The following PCGF6 variants were observed in gnomAD, a reference collection of about 807,000 sequenced individuals.
PCGF6 encodes the protein polycomb group ring finger 6.
Under a neutral mutation model 45.5 loss-of-function variants are expected in PCGF6, and 24 were observed. The observed-to-expected ratio is 0.53, with a 90% CI of 0.38 to 0.74. The LOEUF is 0.74. Among genes scored for constraint, PCGF6 ranks in the 30% least tolerant of loss-of-function variants. The probability of loss-of-function intolerance (pLI) is 0.00; values close to 1 mark genes in which losing one functional copy is unlikely to be tolerated. For synonymous variants in PCGF6, 152 were observed against 162.1 expected (o/e 0.94, Z 0.47); for missense variants, 356 against 443.2 (o/e 0.80, Z 1.77).
At chr10:103,344,374 T>C (rs2093291876) in intron 6 of PCGF6, among the ~76,000 whole-genome samples, 1 of 151,402 alleles carries the variant, frequency 6.6e-6, no homozygotes, top group South Asian at 2.1e-4. Context: ...CGATTTCAAG[T>C]GATTCTCCTG....
chr10:103,342,286 T>G (rs1388349028), intron 6 of PCGF6, among the ~76,000 whole-genome samples: 1 of 150,160 alleles, frequency 6.7e-6, no homozygotes, highest in East Asian at 1.9e-4. Context: ...CAGGCTGGAG[T>G]GCAACAGCAT....
At chr10:103,323,458 G>A (rs1027572318) in intron 8 of PCGF6, among the ~76,000 whole-genome samples, 7 of 151,968 alleles carry the variant, frequency 4.6e-5, no homozygotes, top group Non-Finnish European at 8.8e-5. Context: ...CACCACGCCC[G>A]GCTGATTTTA....
At chr10:103,325,454 C>T (rs1394624187) in intron 8 of PCGF6, among the ~76,000 whole-genome samples, 1 of 151,992 alleles carries the variant, frequency 6.6e-6, no homozygotes, top group African/African-American at 2.4e-5. Context: ...AGGGTTTCAC[C>T]ATGTTGGTCA....
At chr10:103,309,195 G>T (rs1440382892) in intron 9 of PCGF6, among the ~76,000 whole-genome samples, 2 of 148,620 alleles carry the variant, frequency 1.3e-5, no homozygotes, top group Admixed American at 6.7e-5. Context: ...ATGAGATTTG[G>T]TGGGGGGGGG....
chr10:103,345,929 A>T (rs1318387467), intron 5 of PCGF6, among the ~76,000 whole-genome samples: 1 of 151,832 alleles, frequency 6.6e-6, no homozygotes, highest in East Asian at 1.9e-4. Context: ...AAGGTGGCTC[A>T]TGCCAGTAAT....
At chr10:103,349,703 G>C (rs1022097080) in intron 1 of PCGF6, among the ~76,000 whole-genome samples, 1 of 149,612 alleles carries the variant, frequency 6.7e-6, no homozygotes. Flanking sequence ...CTGAACTCCT[G>C]ACCTCGTGTT....
intron 1 of PCGF6, among the ~76,000 whole-genome samples, chr10:103,350,267 C>CA (rs376674913): frequency 0.31 from 39,476 of 128,410 alleles, 6,264 homozygotes; most frequent in South Asian, 0.51. Flanking sequence ...CTCCTCGCTA[C>CA]AAAAAAAAAA....
At chr10:103,318,753 A>G (rs2093185552) in intron 8 of PCGF6, among the ~76,000 whole-genome samples, 1 of 152,022 alleles carries the variant, frequency 6.6e-6, no homozygotes, top group African/African-American at 2.4e-5. Context: ...GAAAAAAAAA[A>G]AGAAAAAAGA....
intron 7 of PCGF6, among the ~76,000 whole-genome samples, chr10:103,333,570 T>C (rs1287644140): frequency 6.6e-6 from 1 of 152,096 alleles, no homozygotes. Flanking sequence ...ATAATTGAAG[T>C]AACAAGTAGG....
chr10:103,317,605 C>A (rs527946108), intron 8 of PCGF6, among the ~76,000 whole-genome samples: 130 of 151,894 alleles, frequency 8.6e-4, no homozygotes, highest in African/African-American at 2.8e-3. Context: ...TACCGCTCCA[C>A]CCCAAGCCTG....
intron 8 of PCGF6, among the ~76,000 whole-genome samples, chr10:103,325,631 C>T (rs895856242): frequency 6.6e-6 from 1 of 152,088 alleles, no homozygotes; most frequent in Non-Finnish European, 1.5e-5. Context: ...TTTTTCTCTA[C>T]TACCAAAATG....
At chr10:103,335,085 T>C (rs567736547) in intron 6 of PCGF6, among the ~76,000 whole-genome samples, 7 of 152,042 alleles carry the variant, frequency 4.6e-5, no homozygotes, top group African/African-American at 1.7e-4. Flanking sequence ...AGAGATAGGG[T>C]CTTGCTCTAT....
chr10:103,338,870 A>G (rs2093268325), intron 6 of PCGF6, among the ~76,000 whole-genome samples: 1 of 152,148 alleles, frequency 6.6e-6, no homozygotes, highest in African/African-American at 2.4e-5. Context: ...CTCCGTCTCA[A>G]AAGAAAAAAA....
At chr10:103,317,643 A>C (rs1449215930) in intron 8 of PCGF6, among the ~76,000 whole-genome samples, 1 of 152,022 alleles carries the variant, frequency 6.6e-6, no homozygotes, top group Non-Finnish European at 1.5e-5. Context: ...TCATCTCAAA[A>C]TAAATAAATA....
chr10:103,345,272 A>G, intron 5 of PCGF6, 140 bp from the exon 6 acceptor site: 1 of 641,240 alleles, frequency 1.6e-6, no homozygotes, highest in Non-Finnish European at 2.6e-6. Flanking sequence ...CTTTAATGAC[A>G]TTGGCTAATC....
At chr10:103,311,601 G>GC (rs1415484430) in intron 9 of PCGF6, among the ~76,000 whole-genome samples, 1 of 150,060 alleles carries the variant, frequency 6.7e-6, no homozygotes, top group Non-Finnish European at 1.5e-5. Context: ...AGCCACCACC[G>GC]CACCTAGCCG....
At chr10:103,328,847 AT>A (rs2093228882) in intron 7 of PCGF6, among the ~76,000 whole-genome samples, 1 of 150,994 alleles carries the variant, frequency 6.6e-6, no homozygotes, top group South Asian at 2.1e-4. Context: ...TGCCTTCCGG[AT>A]TCAAGCGATT....
chr10:103,341,914 G>A (rs1489086867), intron 6 of PCGF6, among the ~76,000 whole-genome samples: 2 of 151,672 alleles, frequency 1.3e-5, no homozygotes, highest in Non-Finnish European at 2.9e-5. Flanking sequence ...CTCCAGTGCC[G>A]CTTCCTAGGG....
At chr10:103,319,120 G>A (rs1381998258) in intron 8 of PCGF6, among the ~76,000 whole-genome samples, 1 of 152,174 alleles carries the variant, frequency 6.6e-6, no homozygotes, top group East Asian at 1.9e-4. Context: ...AGTGTGCTTT[G>A]ATAAGCCACA....
Sources: gnomAD v4.1 joint callset for allele counts (sites outside exome capture counted in the v4.1 genomes callset) on GRCh38, gnomAD v4.1.1 for gene constraint, MANE v1.5 for transcripts, NCBI Gene and HGNC (gene_info 2026-07-23, HGNC 2026-07-21) for gene names.